The following UNC13C variants were observed in gnomAD, a reference collection of about 807,000 sequenced individuals.
UNC13C encodes protein unc-13 homolog C.
A neutral mutation model predicts 245.4 loss-of-function variants in UNC13C; 174 were observed. The ratio of observed to expected loss-of-function variants is 0.71; its 90% CI spans 0.63 to 0.80. The LOEUF is 0.80. Ranked by LOEUF, UNC13C falls within the 30% of genes least tolerant of loss-of-function variation. The pLI is 0.00. For synonymous variants in UNC13C, 992 were observed against 895.1 expected, an observed-to-expected ratio of 1.11 and a Z score of -1.93; for missense variants, 2,829 against 2,602.9, an observed-to-expected ratio of 1.09 and a Z score of -1.89.
At chr15:54,128,716 C>T (rs7173903) in intron 2 of UNC13C, among the ~76,000 whole-genome samples, 55,795 of 151,904 alleles carry the variant, frequency 0.37, 10,328 homozygotes, top group Admixed American at 0.39. Flanking sequence ...TTTAGCCTGC[C>T]CCCACGGACA....
intron 18 of UNC13C, among the ~76,000 whole-genome samples, chr15:54,395,827 C>T (rs1480033543): frequency 1.3e-5 from 2 of 151,648 alleles, no homozygotes; most frequent in African/African-American, 2.4e-5. Flanking sequence ...AATGTATATT[C>T]AGGCATACAT....
At chr15:54,228,330 C>T (rs1862483610) in intron 4 of UNC13C, among the ~76,000 whole-genome samples, 1 of 152,124 alleles carries the variant, frequency 6.6e-6, no homozygotes, top group African/African-American at 2.4e-5. Context: ...CCCAAGAACT[C>T]TGGGTGCTGT....
intron 29 of UNC13C, among the ~76,000 whole-genome samples, chr15:54,564,734 C>T (rs781190974): frequency 1.8e-4 from 27 of 151,898 alleles, no homozygotes; most frequent in Non-Finnish European, 2.9e-4. Context: ...TATTAATAAA[C>T]GATCACACAG....
chr15:54,456,921 T>C (rs1438293313), intron 19 of UNC13C, among the ~76,000 whole-genome samples: 1 of 152,128 alleles, frequency 6.6e-6, no homozygotes, highest in Non-Finnish European at 1.5e-5. Context: ...CTATGTTGAA[T>C]AGAACTGGTG....
intron 13 of UNC13C, chr15:54,320,987 AC>A: frequency 4.8e-6 from 2 of 419,152 alleles, no homozygotes; most frequent in Admixed American, 2.8e-5. Flanking sequence ...ATCCACTACC[AC>A]CACAGCTGCC....
intron 2 of UNC13C, among the ~76,000 whole-genome samples, chr15:54,077,184 A>G (rs984986123): frequency 2.0e-5 from 3 of 152,026 alleles, no homozygotes; most frequent in Non-Finnish European, 4.4e-5. Flanking sequence ...GAGAAAAGGG[A>G]ATAGGCCATT....
At chr15:54,219,527 A>T (rs1437953302) in intron 4 of UNC13C, among the ~76,000 whole-genome samples, 1 of 148,624 alleles carries the variant, frequency 6.7e-6, no homozygotes, top group Non-Finnish European at 1.5e-5. Flanking sequence ...ACCATTCAGG[A>T]CATAGGCATG....
chr15:54,318,018 C>A (rs1460346418), intron 13 of UNC13C, among the ~76,000 whole-genome samples: 1 of 151,944 alleles, frequency 6.6e-6, no homozygotes, highest in Non-Finnish European at 1.5e-5. Flanking sequence ...GCTTATTTCA[C>A]ATAATGTCCT....
chr15:54,324,233 A>G (rs2038237238), intron 14 of UNC13C, among the ~76,000 whole-genome samples: 1 of 151,960 alleles, frequency 6.6e-6, no homozygotes, highest in South Asian at 2.1e-4. Context: ...CTACATTGGA[A>G]CCTCAGGTTT....
intron 6 of UNC13C, 183 bp from the exon 7 acceptor site, chr15:54,237,436 C>G (rs1360777769): frequency 8.6e-6 from 6 of 694,478 alleles, no homozygotes; most frequent in Non-Finnish European, 1.6e-5. Flanking sequence ...TGGGATCGTT[C>G]CAGTTTTAAT....
At chr15:53,859,625 C>G in the UNC13C span, among the ~76,000 whole-genome samples, 1 of 121,654 alleles carries the variant, frequency 8.2e-6, no homozygotes, top group Non-Finnish European at 1.8e-5. Flanking sequence ...AAAATAAGTA[C>G]AGGCATACAC....
intron 19 of UNC13C, among the ~76,000 whole-genome samples, chr15:54,448,012 T>C: frequency 6.6e-6 from 1 of 152,236 alleles, no homozygotes; most frequent in Non-Finnish European, 1.5e-5. Flanking sequence ...TCTTTATTTC[T>C]GCCTTCATTT....
chr15:54,325,003 G>A (rs565810564), intron 14 of UNC13C, among the ~76,000 whole-genome samples: 27 of 151,968 alleles, frequency 1.8e-4, no homozygotes, highest in African/African-American at 6.5e-4. Flanking sequence ...ATTAGTGTTA[G>A]CGTATTTCAT....
Position 54,443,758 on chromosome 15 carries a change from T to C in UNC13C, c.4933+28691T>C, listed in dbSNP as rs533959762. Among the ~76,000 whole-genome samples the C allele has an allele frequency of 5.3e-5, 8 of 151,690 alleles. No individual in the cohort carries two copies. In the South Asian group the frequency reaches 1.5e-3, roughly 28 times the overall value. Reference sequence around the variant, plus strand: ...TTGATTTCTAATTTTATTTTATTGTTGTATGAGAAGACACGATGTCATTTT... The same window carrying C: ...TTGATTTCTAATTTTATTTTATTGTCGTATGAGAAGACACGATGTCATTTT... On this transcript the variant is annotated intron_variant, in intron 19 of 32. Coordinates refer to ENST00000260323, the MANE Select transcript of UNC13C (RefSeq NM_001080534.3).
At chr15:54,363,016 G>T (rs1188488576) in intron 17 of UNC13C, among the ~76,000 whole-genome samples, 1 of 152,202 alleles carries the variant, frequency 6.6e-6, no homozygotes, top group Non-Finnish European at 1.5e-5. Flanking sequence ...ACAAGTGCAA[G>T]ATCTCAGAGA....
intron 18 of UNC13C, among the ~76,000 whole-genome samples, chr15:54,408,742 A>T (rs549507475): frequency 1.3e-5 from 2 of 152,296 alleles, no homozygotes; most frequent in Admixed American, 1.3e-4. Context: ...CTTCCAGCTA[A>T]TCTTTCACAC....
At chr15:54,463,265 CGGGGGGGG>C (rs559539986) in intron 19 of UNC13C, among the ~76,000 whole-genome samples, 652 of 26,222 alleles carry the variant, frequency 0.025, 167 homozygotes, top group East Asian at 0.035. Context: ...AGAATGTGGG[CGGGGGGGG>C]GGGGGGGGGC....
At chr15:54,382,613 CAGAA>C (rs2140901833) in intron 17 of UNC13C, among the ~76,000 whole-genome samples, 1 of 151,326 alleles carries the variant, frequency 6.6e-6, no homozygotes, top group Admixed American at 6.6e-5. Flanking sequence ...AAAAAAAACT[CAGAA>C]AGATTTCAAA....
At chr15:54,104,250 C>T (rs951929924) in intron 2 of UNC13C, among the ~76,000 whole-genome samples, 4 of 152,176 alleles carry the variant, frequency 2.6e-5, no homozygotes, top group South Asian at 2.1e-4. Context: ...ATATCTTTTC[C>T]GGTTTATCTT....
Sources: gnomAD v4.1 joint callset for allele counts (sites outside exome capture counted in the v4.1 genomes callset) on GRCh38, gnomAD v4.1.1 for gene constraint, MANE v1.5 for transcripts, NCBI Gene and HGNC (gene_info 2026-07-23, HGNC 2026-07-21) for gene names.